FMN2: variants seen among roughly 807,000 people sequenced by gnomAD.
FMN2 encodes formin 2.
Under a neutral mutation model 142.3 loss-of-function variants are expected in FMN2, and 51 were observed. The observed-to-expected ratio is 0.36, with a 90% CI of 0.29 to 0.45. The LOEUF is 0.45. FMN2 is among the 20% of genes least tolerant of loss of function. The probability of loss-of-function intolerance (pLI) is 1.00; values close to 1 mark genes in which losing one functional copy is unlikely to be tolerated. For synonymous variants in FMN2, 882 were observed against 869.8 expected (o/e 1.01, Z -0.25); for missense variants, 1,936 against 2,122.8 (o/e 0.91, Z 1.73).
At chr1:240,442,958 T>C (rs1438599356) in intron 16 of FMN2, among the ~76,000 whole-genome samples, 2 of 152,230 alleles carry the variant, frequency 1.3e-5, no homozygotes, top group African/African-American at 4.8e-5. Flanking sequence ...TGCAGTGTTA[T>C]CATGTAGACT....
chr1:240,357,614 T>G (rs1245435999), intron 14 of FMN2, among the ~76,000 whole-genome samples: 1 of 151,406 alleles, frequency 6.6e-6, no homozygotes, highest in East Asian at 1.9e-4. Flanking sequence ...TTACGGGTTT[T>G]TTTTTTTTTT....
intron 8 of FMN2, among the ~76,000 whole-genome samples, chr1:240,326,601 C>T (rs1320102141): frequency 6.6e-6 from 1 of 152,138 alleles, no homozygotes; most frequent in Admixed American, 6.5e-5. Context: ...GGATTCTGGT[C>T]ATTCAACCCC....
chr1:240,140,514 T>C (rs1030992598), intron 2 of FMN2, among the ~76,000 whole-genome samples: 1 of 152,206 alleles, frequency 6.6e-6, no homozygotes, highest in Non-Finnish European at 1.5e-5. Context: ...CACAAAACTG[T>C]TTCCTCCTTT....
chr1:240,417,907 T>C (rs945299054), intron 15 of FMN2, among the ~76,000 whole-genome samples: 1 of 152,178 alleles, frequency 6.6e-6, no homozygotes. Context: ...ATATACTCTA[T>C]ATGGTTCTTA....
chr1:240,392,554 T>C lies in FMN2; in HGVS notation c.4902T>C (p.Thr1634=), dbSNP rs1673639373. The C allele has an allele frequency of 6.2e-7, 1 of 1,607,552 alleles. No individual in the cohort carries two copies. Among genetic ancestry groups the C allele is most frequent in the Non-Finnish European group, 8.5e-7 (1 of 1,176,900 alleles). The change falls in exon 15 of 18, where the codon ACT becomes ACC. Residue 1634 remains threonine (T), a synonymous_variant. Transcript: ENST00000319653. ...QEAEENSLTE[T]HKCFLETTAY... ...CAGAGGAAAATTCACTGACAGAGACTCATAAATGGTGAGAAATTACTTTAT... is the reference window on the plus strand; with the variant it reads ...CAGAGGAAAATTCACTGACAGAGACCCATAAATGGTGAGAAATTACTTTAT...
At chr1:240,252,113 C>T (rs10926179) in intron 6 of FMN2, among the ~76,000 whole-genome samples, 98,534 of 151,910 alleles carry the variant, frequency 0.65, 32,231 homozygotes, top group East Asian at 0.84. Context: ...TTCACCATTT[C>T]GGCCAGGTTG....
At chr1:240,226,920 T>TGGATGTTTTTCAGGAAAAAGACAA (rs1491167608) in intron 6 of FMN2, among the ~76,000 whole-genome samples, 1 of 152,088 alleles carries the variant, frequency 6.6e-6, no homozygotes, top group Non-Finnish European at 1.5e-5. Flanking sequence ...CATTGAAGAC[T>TGGATGTTTTTCAGGAAAAAGACAA]GGATGTTTTT....
rs761311789 is a variant in FMN2 at position 240,093,504 on chromosome 1, G to A, written c.1395G>A (p.Pro465=). Residue 465 remains proline (P), a synonymous_variant, in exon 1 of 18, where the codon CCG becomes CCA. Transcript: ENST00000319653. ...SRTALASVAA[P]AKKHRADGGL... is the part of the protein sequence containing the mutation. ...CTGCCCTGGCCTCCGTAGCCGCCCC[G>A]GCCAAGAAGCACCGGGCCGACGGCG... 2.5e-6 allele frequency: 4 copies of A among 1,595,708 alleles called. No homozygotes were observed. Among genetic ancestry groups the A allele is most frequent in the South Asian group, 2.2e-5 (2 of 88,996 alleles).
chr1:240,240,107 G>A (rs1008437591), intron 6 of FMN2, among the ~76,000 whole-genome samples: 6 of 152,146 alleles, frequency 3.9e-5, no homozygotes, highest in Admixed American at 2.0e-4. Flanking sequence ...AACACAGGGC[G>A]TTAAGGAAAT....
intron 8 of FMN2, among the ~76,000 whole-genome samples, chr1:240,298,033 G>A (rs10802857): frequency 0.22 from 33,415 of 151,988 alleles, 3,896 homozygotes; most frequent in Admixed American, 0.34. Flanking sequence ...GCCCTACCTT[G>A]ATACCATCAT....
At chr1:240,123,444 C>T (rs1318402211) in intron 2 of FMN2, 99 bp downstream of exon 2, 1 of 1,213,448 alleles carries the variant, frequency 8.2e-7, no homozygotes, top group Non-Finnish European at 1.1e-6. Flanking sequence ...TTAAAAACAA[C>T]ATGTGATTCA....
chr1:240,472,354 G>C lies in FMN2; in HGVS notation c.5061-18G>C. The C allele has an allele frequency of 6.3e-7, 1 of 1,595,510 alleles. No homozygotes were observed. Among genetic ancestry groups the C allele is most frequent in the Non-Finnish European group, 8.6e-7 (1 of 1,168,622 alleles). Reference sequence around the variant, plus strand: ...CTAAGTAGGTTTTGTTTAAATACATGTGTCTTCTCCCCATCAGAGTAAAAG... The same window carrying C: ...CTAAGTAGGTTTTGTTTAAATACATCTGTCTTCTCCCCATCAGAGTAAAAG... On this transcript the variant is annotated intron_variant, in intron 16 of 17. Transcript: ENST00000319653.
At chr1:240,183,790 C>G (rs530319842) in intron 3 of FMN2, among the ~76,000 whole-genome samples, 2 of 152,194 alleles carry the variant, frequency 1.3e-5, no homozygotes, top group East Asian at 3.9e-4. Context: ...TTAAAAACAT[C>G]TTGCATTTAT....
chr1:240,404,677 C>A (rs1674091987), intron 15 of FMN2, among the ~76,000 whole-genome samples: 1 of 152,182 alleles, frequency 6.6e-6, no homozygotes, highest in Non-Finnish European at 1.5e-5. Flanking sequence ...TTAGATACAG[C>A]AACTTTTCTT....
At chr1:240,142,127 A>G (rs932395865) in intron 2 of FMN2, among the ~76,000 whole-genome samples, 5 of 152,160 alleles carry the variant, frequency 3.3e-5, no homozygotes, top group Non-Finnish European at 5.9e-5. Flanking sequence ...TGAAGTTACA[A>G]GGGTGCTGCA....
chr1:240,172,326 A>G (rs1397707774), intron 2 of FMN2, among the ~76,000 whole-genome samples: 3 of 152,192 alleles, frequency 2.0e-5, no homozygotes, highest in African/African-American at 7.2e-5. Flanking sequence ...AGTTTGCTCA[A>G]CTACTTATAG....
At chr1:240,308,318 C>T (rs762267451) in intron 8 of FMN2, among the ~76,000 whole-genome samples, 2 of 152,136 alleles carry the variant, frequency 1.3e-5, no homozygotes, top group Non-Finnish European at 2.9e-5. Context: ...CCTCTAGGGA[C>T]TTGTAGAACT....
rs779845544 is a variant in FMN2 at position 240,092,993 on chromosome 1, C to T, written c.884C>T (p.Ser295Phe). The T allele has an allele frequency of 7.8e-6, 11 of 1,401,374 alleles. No homozygotes were observed. In the South Asian group the frequency reaches 9.5e-5, roughly 12 times the overall value. The allele number at this position is 1,401,374 out of a possible 1,614,324, so 86.8% of individuals were successfully genotyped here. Residue 295 changes from serine (S) to phenylalanine (F), a missense_variant, in exon 1 of 18, where the codon TCC becomes TTC. Around this residue, in one of 8 missense-constraint regions of FMN2, gnomAD observed 751 missense variants for 791.8 expected, o/e 0.95. Transcript: ENST00000319653. Reference sequence around the variant, plus strand: ...CCCCGGGAGCCCCAGCAACCGCCGTCCCCCGGCGGCCTCCCGGTCTCCGAG... The same window carrying T: ...CCCCGGGAGCCCCAGCAACCGCCGTTCCCCGGCGGCCTCCCGGTCTCCGAG... ...AEPREPQQPP[S>F]PGGLPVSEAP...
At chr1:240,346,155 G>A (rs1291731376) in intron 13 of FMN2, among the ~76,000 whole-genome samples, 1 of 152,018 alleles carries the variant, frequency 6.6e-6, no homozygotes, top group African/African-American at 2.4e-5. Flanking sequence ...TGGGGAGTAA[G>A]ACCCCCAATG....
Sources: allele counts gnomAD v4.1 joint callset (sites outside exome capture counted in the v4.1 genomes callset), GRCh38; gene constraint gnomAD v4.1.1; regional missense constraint gnomAD v4.1.1; transcripts MANE v1.5; gene names NCBI Gene and HGNC (gene_info 2026-07-23, HGNC 2026-07-21).